Variants in ADGRB1 observed in about 807,000 individuals in gnomAD.
ADGRB1 encodes adhesion G protein-coupled receptor B1, also known as brain-specific angiogenesis inhibitor 1.
Under a neutral mutation model 175.7 loss-of-function variants are expected in ADGRB1, and 36 were observed. That is an observed-to-expected ratio of 0.20 (90% CI 0.16 to 0.27). ADGRB1 has a LOEUF of 0.27. ADGRB1 is among the 10% of genes least tolerant of loss of function. The pLI, the probability that ADGRB1 is intolerant of heterozygous loss-of-function variation, is 1.00. For synonymous variants in ADGRB1, 1,054 were observed against 979.4 expected, an observed-to-expected ratio of 1.08 and a Z score of -1.42; for missense variants, 1,731 against 2,255.3, an observed-to-expected ratio of 0.77 and a Z score of 4.71.
At chr8:142,491,152 C>T (rs1392623029) in intron 17 of ADGRB1, among the ~76,000 whole-genome samples, 4 of 152,246 alleles carry the variant, frequency 2.6e-5, no homozygotes, top group Non-Finnish European at 5.9e-5. Flanking sequence ...ACATTCAGGT[C>T]TGCAGGTGGG....
chr8:142,511,000 A>G lies in ADGRB1; in HGVS notation c.2744A>G (p.Asp915Gly). The G allele has an allele frequency of 7.7e-7, 1 of 1,306,454 alleles. No homozygotes were observed. 80.9% of individuals were successfully genotyped at this position (1,306,454 alleles called of 1,614,324 possible). ...SWRGCRTVPL[D>G]ALRTRCLCDR... ...CGCGGCTGCCGCACGGTGCCCCTCG[A>G]CGCCCTCCGGACGCGCTGCCTCTGT... Residue 915 changes from aspartate to glycine, a missense_variant, in exon 18 of 31, where the codon GAC becomes GGC. Asp to Gly is a moderately conservative substitution (Grantham distance 94). Coordinates refer to ENST00000517894, the MANE Select transcript of ADGRB1 (RefSeq NM_001702.3). The surrounding 1 kb of genome is among the most constrained non-coding windows in gnomAD (Gnocchi z 6.3).
At chr8:142,501,334 G>A (rs1202375345) in intron 17 of ADGRB1, among the ~76,000 whole-genome samples, 6 of 143,084 alleles carry the variant, frequency 4.2e-5, no homozygotes, top group Non-Finnish European at 7.8e-5. Flanking sequence ...GATGACGGTG[G>A]TGGTGGTGGT....
At chr8:142,489,262 G>A (rs1587326470) in intron 15 of ADGRB1, 74 bp from the exon 16 acceptor site, 28 of 1,579,136 alleles carry the variant, frequency 1.8e-5, no homozygotes, top group African/African-American at 1.1e-4. Context: ...GGCCCTCGGG[G>A]GCACCTGGGG....
At position 142,542,592 on chromosome 8, in the gene ADGRB1, C is replaced by T. The variant is rs894061908; in HGVS notation, c.4358C>T (p.Thr1453Met). 19 of 1,545,358 alleles carry T rather than the reference C, an allele frequency of 1.2e-5. No individual in the cohort carries two copies. In the African/African-American group the frequency reaches 1.4e-4, roughly 11 times the overall value. The change falls in exon 28 of 31, where the codon ACG becomes ATG. Residue 1453 changes from threonine to methionine, a missense_variant. By Grantham distance (81) the Thr-to-Met change is moderately conservative (BLOSUM62 -1). Around this residue, in one of 8 missense-constraint regions of ADGRB1, gnomAD observed 394 missense variants for 410.2 expected, o/e 0.96. Transcript: ENST00000517894. The surrounding 1 kb of genome is among the most constrained non-coding windows in gnomAD (Gnocchi z 6.3). ...GEPAAHPGPS[T>M]GPSTKNENVA... ...CCTGCCGCCCATCCGGGACCCAGCA[C>T]GGGGCCCAGCACCAAGAACGAGAAT...
intron 18 of ADGRB1, among the ~76,000 whole-genome samples, chr8:142,512,055 T>C (rs1257054773): frequency 6.6e-6 from 1 of 152,040 alleles, no homozygotes; most frequent in East Asian, 1.9e-4. Context: ...TCTGGAAAAG[T>C]GGGGGGCAGG....
At chr8:142,538,808 A>G (rs552635028) in intron 26 of ADGRB1, among the ~76,000 whole-genome samples, 2 of 152,086 alleles carry the variant, frequency 1.3e-5, no homozygotes, top group Non-Finnish European at 2.9e-5. Context: ...CCCTCCCCAG[A>G]CCCTGGATGG....
rs1377824065 is a variant in ADGRB1 at position 142,544,667 on chromosome 8, G to A, written c.*250G>A. On this transcript the variant is annotated 3_prime_UTR_variant, in exon 31 of 31. Coordinates refer to ENST00000517894, the MANE Select transcript of ADGRB1 (RefSeq NM_001702.3). ...AGGTGCCTCAGACTCCGCCCTCCTC[G>A]GGCCGAGGCCCAGCGGGCAGATGGG... The A allele has an allele frequency of 4.4e-5, 17 of 383,314 alleles. No homozygotes were observed. Among genetic ancestry groups the A allele is most frequent in the South Asian group, 7.4e-5 (1 of 13,588 alleles). The allele number at this position is 383,314 out of a possible 1,614,324, so 23.7% of individuals were successfully genotyped here.
At chr8:142,503,133 AT>A (rs376091157) in intron 17 of ADGRB1, among the ~76,000 whole-genome samples, 1 of 151,818 alleles carries the variant, frequency 6.6e-6, no homozygotes, top group African/African-American at 2.4e-5. Context: ...TCTTAGGTGA[AT>A]TTGCAGCCCA....
intron 16 of ADGRB1, 44 bp downstream of exon 16, chr8:142,489,482 G>C (rs111402454): frequency 2.5e-6 from 4 of 1,585,320 alleles, no homozygotes; most frequent in Middle Eastern, 3.3e-4. Flanking sequence ...GCAGAAACGC[G>C]TGTGCGCGAA....
chr8:142,501,033 T>C (rs1842498410), intron 17 of ADGRB1, among the ~76,000 whole-genome samples: 1 of 152,138 alleles, frequency 6.6e-6, no homozygotes, highest in African/African-American at 2.4e-5. Flanking sequence ...AAACACTTGT[T>C]GTCGAATGCT....
rs1203036714 is a variant in ADGRB1, at chr8:142,533,283, C to T, written c.3399-12C>T. On this transcript the variant is annotated splice_polypyrimidine_tract_variant and intron_variant, in intron 24 of 30. Transcript: ENST00000517894. ...GGGCGGGGGCGGCAGCGCTGACACC[C>T]TCCATCCCCAGGGCCTCCCTGTGGA... 8 of 1,508,714 alleles carry T rather than the reference C, an allele frequency of 5.3e-6. No individual in the cohort carries two copies. Among genetic ancestry groups the T allele is most frequent in the South Asian group, 2.5e-5 (2 of 81,264 alleles). The allele number at this position is 1,508,714 out of a possible 1,614,324, so 93.5% of individuals were successfully genotyped here. A position where few individuals can be genotyped will look rare whatever the true frequency, so the allele number is the denominator to read the frequency against.
At chr8:142,531,356 G>A (rs994320009) in intron 24 of ADGRB1, among the ~76,000 whole-genome samples, 2 of 152,228 alleles carry the variant, frequency 1.3e-5, no homozygotes, top group African/African-American at 4.8e-5. Flanking sequence ...ACAGCAGTGA[G>A]TGACAGCCAG....
intron 17 of ADGRB1, among the ~76,000 whole-genome samples, chr8:142,501,455 G>A (rs571596990): frequency 1.4e-5 from 2 of 142,326 alleles, no homozygotes; most frequent in East Asian, 2.2e-4. Context: ...TGGTTTTGAC[G>A]ATGGAGGTGG....
intron 2 of ADGRB1, among the ~76,000 whole-genome samples, chr8:142,465,684 A>C (rs894543895): frequency 6.6e-6 from 1 of 152,132 alleles, no homozygotes; most frequent in Non-Finnish European, 1.5e-5. Flanking sequence ...TCAGGCAGCA[A>C]TGAGAGCCTT....
At chr8:142,466,717 C>T (rs944208506) in intron 2 of ADGRB1, among the ~76,000 whole-genome samples, 4 of 152,012 alleles carry the variant, frequency 2.6e-5, no homozygotes, top group South Asian at 2.1e-4. Flanking sequence ...GGGGAGAGAA[C>T]GAAGTAGATA....
At chr8:142,538,507 A>G (rs1845068921) in intron 26 of ADGRB1, among the ~76,000 whole-genome samples, 1 of 151,964 alleles carries the variant, frequency 6.6e-6, no homozygotes, top group South Asian at 2.1e-4. Context: ...TCCTGGCCTG[A>G]CCTCTGATCC....
chr8:142,512,724 C>T (rs866314929), intron 18 of ADGRB1, among the ~76,000 whole-genome samples: 11 of 152,200 alleles, frequency 7.2e-5, no homozygotes, highest in Admixed American at 5.9e-4. Flanking sequence ...ACAGATGACT[C>T]GGAGAGAGTC....
In ADGRB1 at chr8:142,510,402, A is replaced by G. The variant is rs942806977; in HGVS notation, c.2676-530A>G. Among the ~76,000 whole-genome samples the G allele has an allele frequency of 6.6e-5, 10 of 151,888 alleles. No homozygotes were observed. Among genetic ancestry groups the G allele is most frequent in the Admixed American group, 5.9e-4 (9 of 15,278 alleles). On this transcript the variant is annotated intron_variant, in intron 17 of 30. Coordinates refer to ENST00000517894, the MANE Select transcript of ADGRB1 (RefSeq NM_001702.3). The surrounding 1 kb of genome is among the most constrained non-coding windows in gnomAD (Gnocchi z 6.3). Reference sequence around the variant, plus strand: ...GGGATGGAGCGGTCCCAAGGTCGTCAGCTCCAGCCGGCGCCCTGGGCCGCG... The same window carrying G: ...GGGATGGAGCGGTCCCAAGGTCGTCGGCTCCAGCCGGCGCCCTGGGCCGCG...
chr8:142,509,935 A>C (rs1018939584), intron 17 of ADGRB1, among the ~76,000 whole-genome samples: 1 of 152,162 alleles, frequency 6.6e-6, no homozygotes, highest in Non-Finnish European at 1.5e-5. Context: ...CAGTTTCTGC[A>C]AGCCAAGCCC....
Sources: allele counts gnomAD v4.1 joint callset (sites outside exome capture counted in the v4.1 genomes callset), GRCh38; gene constraint gnomAD v4.1.1; regional missense constraint gnomAD v4.1.1; non-coding constraint Gnocchi (gnomAD v3.1); transcripts MANE v1.5; gene names NCBI Gene and HGNC (gene_info 2026-07-23, HGNC 2026-07-21).